Variants in PHF20 observed in about 807,000 individuals in gnomAD.
PHF20 encodes the protein PHD finger protein 20.
PHF20 carries 23 observed loss-of-function variants against 113.5 expected under a neutral mutation model. That is an observed-to-expected ratio of 0.20 (90% CI 0.15 to 0.29). PHF20 has a LOEUF of 0.29. Ranked by LOEUF, PHF20 falls within the 10% of genes least tolerant of loss-of-function variation. The probability of loss-of-function intolerance (pLI) is 1.00; values close to 1 mark genes in which losing one functional copy is unlikely to be tolerated. For synonymous variants in PHF20, 434 were observed against 457.3 expected, an observed-to-expected ratio of 0.95 and a Z score of 0.65; for missense variants, 943 against 1,219.6, an observed-to-expected ratio of 0.77 and a Z score of 3.38.
intron 9 of PHF20, among the ~76,000 whole-genome samples, chr20:35,887,007 C>T (rs60736638): frequency 0.011 from 1,628 of 152,222 alleles, 18 homozygotes; most frequent in East Asian, 0.04. Context: ...GCCAGCCAGA[C>T]GGAATATCAC....
At chr20:35,829,952 C>T (rs2042330499) in intron 2 of PHF20, among the ~76,000 whole-genome samples, 1 of 150,944 alleles carries the variant, frequency 6.6e-6, no homozygotes, top group African/African-American at 2.4e-5. Flanking sequence ...TTCGCTCTGT[C>T]ACCTAGGCTG....
intron 2 of PHF20, among the ~76,000 whole-genome samples, chr20:35,812,821 C>G (rs995138462): frequency 6.6e-6 from 1 of 152,082 alleles, no homozygotes; most frequent in East Asian, 1.9e-4. Context: ...ATCCTATTAT[C>G]CCCCCACATC....
intron 14 of PHF20, among the ~76,000 whole-genome samples, chr20:35,930,618 G>A (rs2055734682): frequency 6.6e-6 from 1 of 152,136 alleles, no homozygotes. Flanking sequence ...AGGCTGCAGT[G>A]AGCCATGATC....
chr20:35,861,883 T>C (rs954479762), intron 5 of PHF20, among the ~76,000 whole-genome samples: 2 of 152,226 alleles, frequency 1.3e-5, no homozygotes, highest in African/African-American at 4.8e-5. Flanking sequence ...TCCTTCCTGC[T>C]TCCAGTGAAA....
chr20:35,943,821 A>G (rs1181450160), intron 17 of PHF20, among the ~76,000 whole-genome samples: 1 of 151,674 alleles, frequency 6.6e-6, no homozygotes, highest in African/African-American at 2.4e-5. Flanking sequence ...GGGTTTCACT[A>G]TGTTGGCCAG....
At chr20:35,872,547 A>G (rs184625339) in intron 9 of PHF20, among the ~76,000 whole-genome samples, 2 of 152,316 alleles carry the variant, frequency 1.3e-5, no homozygotes, top group Admixed American at 1.3e-4. Context: ...TAATGAAATT[A>G]TACATTTCCC....
In PHF20 at chr20:35,947,492, G is replaced by A; in HGVS notation, c.2904G>A (p.Glu968=). 1.9e-6 allele frequency: 3 copies of A among 1,614,022 alleles called. No homozygotes were observed. The highest frequency in any genetic ancestry group is 2.5e-6 in the Non-Finnish European group (3 of 1,179,922). The change falls in exon 18 of 18, where the codon GAG becomes GAA. Residue 968 remains glutamate (E), a synonymous_variant. Coordinates refer to ENST00000374012, the MANE Select transcript of PHF20 (RefSeq NM_016436.5). ...TCTCTCTTCTGCCGACAGTGTTGGA[G>A]AGCTGGCTGGACTACACTGGGGAAC... The part of the protein sequence containing the change: ...DSIEKELDVL[E]SWLDYTGELE...
chr20:35,792,014 C>T (rs1361463401), intron 1 of PHF20, among the ~76,000 whole-genome samples: 1 of 152,164 alleles, frequency 6.6e-6, no homozygotes, highest in Admixed American at 6.6e-5. Flanking sequence ...TCCACTGCTT[C>T]TGGGAAAATC....
chr20:35,837,682 G>C (rs1425708256), intron 2 of PHF20, among the ~76,000 whole-genome samples: 1 of 152,208 alleles, frequency 6.6e-6, no homozygotes, highest in Non-Finnish European at 1.5e-5. Flanking sequence ...TATGTGTCTA[G>C]TTCTCCTCAA....
chr20:35,784,946 G>A (rs1276795059), intron 1 of PHF20, among the ~76,000 whole-genome samples: 1 of 151,982 alleles, frequency 6.6e-6, no homozygotes, highest in East Asian at 1.9e-4. Context: ...AGCACTGGGG[G>A]AGCTGAGGTG....
intron 5 of PHF20, among the ~76,000 whole-genome samples, chr20:35,859,788 G>A (rs2054183943): frequency 6.6e-6 from 1 of 152,074 alleles, no homozygotes. Context: ...CAGGCAATCT[G>A]CCCACCTCGG....
intron 9 of PHF20, among the ~76,000 whole-genome samples, chr20:35,881,062 T>TTTTTTTTC (rs2054622529): frequency 7.0e-6 from 1 of 142,054 alleles, no homozygotes; most frequent in South Asian, 2.5e-4. Flanking sequence ...TTTTTTTTTT[T>TTTTTTTTC]TTTTTTTTCT....
chr20:35,778,607 G>A (rs1470993723), intron 1 of PHF20, among the ~76,000 whole-genome samples: 1 of 152,046 alleles, frequency 6.6e-6, no homozygotes. Flanking sequence ...CAAAAAATTA[G>A]TCAGGCGTGG....
intron 9 of PHF20, among the ~76,000 whole-genome samples, chr20:35,881,584 C>T (rs1008774089): frequency 1.5e-4 from 22 of 151,536 alleles, no homozygotes; most frequent in Non-Finnish European, 2.8e-4. Flanking sequence ...TCCATATTTC[C>T]TAAAGACAAG....
At chr20:35,817,106 T>G (rs1211752069) in intron 2 of PHF20, among the ~76,000 whole-genome samples, 4 of 150,600 alleles carry the variant, frequency 2.7e-5, no homozygotes, top group Non-Finnish European at 5.9e-5. Flanking sequence ...GTTGTTGTTG[T>G]TTTTTTTTAA....
rs1249084389 is a variant in PHF20 at position 35,939,025 on chromosome 20, G to T, written c.2629G>T (p.Asp877Tyr). ...CAACCCCCTCCATGAGAACGGCGATGATTCCCTTTCCCCGCGCCTGGGCTG... is the reference window on the plus strand; with the variant it reads ...CAACCCCCTCCATGAGAACGGCGATTATTCCCTTTCCCCGCGCCTGGGCTG... Reference protein sequence around the residue: ...AVNPLHENGDDSLSPRLGWPL... With the variant: ...AVNPLHENGDYSLSPRLGWPL... The change falls in exon 16 of 18, where the codon GAT becomes TAT. Residue 877 changes from aspartate to tyrosine, a missense_variant. Around this residue, in one of 3 missense-constraint regions of PHF20, gnomAD observed 349 missense variants for 412.3 expected, o/e 0.85. Transcript: ENST00000374012. 1 of 1,614,170 alleles carries T rather than the reference G, an allele frequency of 6.2e-7. No individual in the cohort carries two copies. The highest frequency in any genetic ancestry group is 8.5e-7 in the Non-Finnish European group (1 of 1,180,026).
intron 1 of PHF20, among the ~76,000 whole-genome samples, chr20:35,779,726 C>G (rs1241511379): frequency 6.6e-6 from 1 of 151,958 alleles, no homozygotes; most frequent in East Asian, 1.9e-4. Flanking sequence ...TCACCATGTT[C>G]GCCAGGCTAG....
At chr20:35,864,212 C>T (rs1029390596) in intron 6 of PHF20, among the ~76,000 whole-genome samples, 11 of 152,074 alleles carry the variant, frequency 7.2e-5, no homozygotes, top group African/African-American at 2.4e-4. Context: ...TCCCCTAGCA[C>T]GTTTTAAAGC....
intron 9 of PHF20, among the ~76,000 whole-genome samples, chr20:35,884,791 G>A (rs1327689607): frequency 1.3e-5 from 2 of 152,026 alleles, no homozygotes; most frequent in African/African-American, 4.8e-5. Context: ...CCAATTGCTA[G>A]CAATTTACCA....
Sources: allele counts gnomAD v4.1 joint callset (sites outside exome capture counted in the v4.1 genomes callset), GRCh38; gene constraint gnomAD v4.1.1; regional missense constraint gnomAD v4.1.1; transcripts MANE v1.5; gene names NCBI Gene and HGNC (gene_info 2026-07-23, HGNC 2026-07-21).